HSDL2: variants seen among roughly 807,000 people sequenced by gnomAD.
HSDL2 encodes hydroxysteroid dehydrogenase-like protein 2.
HSDL2 carries 27 observed loss-of-function variants against 46.3 expected under a neutral mutation model. The observed-to-expected ratio is 0.58, with a 90% CI of 0.43 to 0.80. The LOEUF (loss-of-function observed/expected upper bound fraction) is 0.80, where lower values mean the gene tolerates loss of function less well. Among genes scored for constraint, HSDL2 ranks in the 30% least tolerant of loss-of-function variants. HSDL2 has a pLI of 0.00. For synonymous variants in HSDL2, 153 were observed against 163.6 expected, an observed-to-expected ratio of 0.94 and a Z score of 0.50; for missense variants, 451 against 502.7, an observed-to-expected ratio of 0.90 and a Z score of 0.98.
At chr9:112,419,148 A>AT (rs1431495105) in intron 6 of HSDL2, among the ~76,000 whole-genome samples, 190 bp downstream of exon 6, 1 of 146,260 alleles carries the variant, frequency 6.8e-6, no homozygotes, top group Admixed American at 7.0e-5. Context: ...AGCTGGGACT[A>AT]TAGGTGCACA....
chr9:112,461,506 TATAA>T (rs1174780956), intron 10 of HSDL2, among the ~76,000 whole-genome samples: 6 of 152,240 alleles, frequency 3.9e-5, no homozygotes, highest in African/African-American at 1.2e-4. Context: ...ATCGGAATCT[TATAA>T]ATATTTGTTT....
intron 6 of HSDL2, among the ~76,000 whole-genome samples, chr9:112,424,263 G>A (rs888914499): frequency 6.6e-6 from 1 of 150,848 alleles, no homozygotes; most frequent in Non-Finnish European, 1.5e-5. Flanking sequence ...AGAGCTTGCA[G>A]TGAGCCGAGA....
intron 6 of HSDL2, among the ~76,000 whole-genome samples, chr9:112,429,414 T>G (rs567599465): frequency 6.6e-6 from 1 of 152,336 alleles, no homozygotes; most frequent in East Asian, 1.9e-4. Flanking sequence ...GTTACCACCA[T>G]TTGTACTTTG....
chr9:112,459,858 C>T (rs944357), intron 10 of HSDL2, among the ~76,000 whole-genome samples: 145,434 of 152,252 alleles, frequency 0.96, 69,522 homozygotes, highest in African/African-American at 0.98. Context: ...TGGGCTTCAT[C>T]ATATTAGCTG....
intron 5 of HSDL2, among the ~76,000 whole-genome samples, chr9:112,417,781 TAA>T (rs34381614): frequency 7.0e-6 from 1 of 143,532 alleles, no homozygotes; most frequent in Admixed American, 7.0e-5. Flanking sequence ...CTTTCATTCT[TAA>T]AAAAAAAAAA....
intron 4 of HSDL2, among the ~76,000 whole-genome samples, chr9:112,416,515 G>A (rs116161007): frequency 0.011 from 1,636 of 151,544 alleles, 36 homozygotes; most frequent in African/African-American, 0.038. Context: ...CACTTCGGGA[G>A]TCTGAGGTAG....
intron 8 of HSDL2, among the ~76,000 whole-genome samples, chr9:112,442,292 A>G (rs933725025): frequency 2.2e-4 from 27 of 122,308 alleles, no homozygotes; most frequent in East Asian, 1.1e-3. Flanking sequence ...AAAAAAAAAA[A>G]AAGAAGAAGT....
chr9:112,455,425 C>T (rs1054882534), intron 9 of HSDL2, among the ~76,000 whole-genome samples: 1 of 152,322 alleles, frequency 6.6e-6, no homozygotes, highest in East Asian at 1.9e-4. Flanking sequence ...TAGTCACTCT[C>T]TTGCTTGTGT....
intron 10 of HSDL2, among the ~76,000 whole-genome samples, chr9:112,462,245 C>G (rs1833231919): frequency 6.6e-6 from 1 of 152,184 alleles, no homozygotes; most frequent in Non-Finnish European, 1.5e-5. Flanking sequence ...AGGTGGATGA[C>G]TTGAGGTCAG....
intron 1 of HSDL2, among the ~76,000 whole-genome samples, chr9:112,384,394 T>C (rs1831174904): frequency 1.3e-5 from 2 of 152,306 alleles, no homozygotes; most frequent in South Asian, 4.1e-4. Flanking sequence ...GTTTGCTTTT[T>C]TTTCTGCCAA....
intron 1 of HSDL2, among the ~76,000 whole-genome samples, chr9:112,394,713 G>A (rs9918990): frequency 0.43 from 65,907 of 151,916 alleles, 14,590 homozygotes; most frequent in South Asian, 0.5. Flanking sequence ...TGATCTCTCC[G>A]GAAGGTAAGC....
intron 10 of HSDL2, among the ~76,000 whole-genome samples, chr9:112,462,494 C>G (rs1833240247): frequency 6.6e-6 from 1 of 150,884 alleles, no homozygotes; most frequent in African/African-American, 2.4e-5. Flanking sequence ...AACTAGTAAC[C>G]AACTAATCAG....
chr9:112,380,204 G>T, intron 1 of HSDL2, 24 bp downstream of exon 1: 2 of 1,554,904 alleles, frequency 1.3e-6, no homozygotes, highest in East Asian at 2.4e-5. Context: ...GGCGGCGCGG[G>T]GAGAGACCCT....
chr9:112,393,863 C>T (rs565630138), intron 1 of HSDL2, among the ~76,000 whole-genome samples: 1 of 152,288 alleles, frequency 6.6e-6, no homozygotes, highest in East Asian at 1.9e-4. Context: ...TTTGATATTT[C>T]CCACTAACAG....
chr9:112,452,677 C>T (rs530677736), intron 8 of HSDL2, among the ~76,000 whole-genome samples: 6 of 152,238 alleles, frequency 3.9e-5, no homozygotes, highest in East Asian at 1.9e-4. Context: ...AACCAGGAGA[C>T]GGAGGTTGCA....
At chr9:112,405,015 A>C (rs955109462) in intron 2 of HSDL2, among the ~76,000 whole-genome samples, 1 of 152,224 alleles carries the variant, frequency 6.6e-6, no homozygotes, top group Non-Finnish European at 1.5e-5. Flanking sequence ...GCATCTTTAC[A>C]TTTTTATATA....
chr9:112,458,935 C>G (rs530573782), intron 9 of HSDL2, among the ~76,000 whole-genome samples: 1 of 151,664 alleles, frequency 6.6e-6, no homozygotes, highest in Non-Finnish European at 1.5e-5. Context: ...GAGCCGAGAT[C>G]GCGCCACTGC....
chr9:112,430,005 C>T (rs567138394), intron 6 of HSDL2, among the ~76,000 whole-genome samples: 1 of 151,988 alleles, frequency 6.6e-6, no homozygotes, highest in South Asian at 2.1e-4. Context: ...ATCACCTGAG[C>T]CTTAGGAGTT....
chr9:112,457,135 G>A (rs1365775097), intron 9 of HSDL2, among the ~76,000 whole-genome samples: 2 of 151,998 alleles, frequency 1.3e-5, no homozygotes, highest in South Asian at 2.1e-4. Context: ...GCAACAGAGC[G>A]AGACTCTGAC....
Sources: allele counts gnomAD v4.1 joint callset (sites outside exome capture counted in the v4.1 genomes callset), GRCh38; gene constraint gnomAD v4.1.1; transcripts MANE v1.5; gene names NCBI Gene and HGNC (gene_info 2026-07-23, HGNC 2026-07-21).